ZBTB16: variants seen among roughly 807,000 people sequenced by gnomAD.
ZBTB16 encodes the protein zinc finger and BTB domain-containing protein 16.
ZBTB16 carries 8 observed loss-of-function variants against 56.8 expected under a neutral mutation model. The ratio of observed to expected loss-of-function variants is 0.14; its 90% confidence interval spans 0.08 to 0.25. The LOEUF (loss-of-function observed/expected upper bound fraction) is 0.25, where lower values mean the gene tolerates loss of function less well. ZBTB16 is among the 10% of genes least tolerant of loss of function. The probability of loss-of-function intolerance (pLI) is 1.00; values close to 1 mark genes in which losing one functional copy is unlikely to be tolerated. For missense variants in ZBTB16, 625 were observed against 903.0 expected, an observed-to-expected ratio of 0.69 and a Z score of 3.95; for synonymous variants, 363 against 368.5, an observed-to-expected ratio of 0.98 and a Z score of 0.17.
intron 4 of ZBTB16, among the ~76,000 whole-genome samples, chr11:114,216,596 G>C (rs1944104071): frequency 6.6e-6 from 1 of 152,132 alleles, no homozygotes; most frequent in Non-Finnish European, 1.5e-5. Flanking sequence ...AGTGCTATCA[G>C]CCTAAACTCA....
intron 2 of ZBTB16, among the ~76,000 whole-genome samples, chr11:114,093,557 C>T (rs760089342): frequency 6.6e-5 from 10 of 152,130 alleles, no homozygotes. Flanking sequence ...GAGTGTGTGG[C>T]CCAAGGATGG....
chr11:114,137,334 C>G lies in ZBTB16; in HGVS notation c.1269-19003C>G, dbSNP rs530239760. Reference sequence around the variant, plus strand: ...TGGTCTTCCCACTCATACCGCTGCCCTCTCCCTAGCTCTCAGGAGGAAGAG... The same window carrying G: ...TGGTCTTCCCACTCATACCGCTGCCGTCTCCCTAGCTCTCAGGAGGAAGAG... On this transcript the variant is annotated intron_variant, in intron 2 of 6. Coordinates refer to ENST00000335953, the MANE Select transcript of ZBTB16 (RefSeq NM_006006.6). Among the ~76,000 whole-genome samples the G allele has an allele frequency of 1.2e-3, 181 of 152,296 alleles. 1 individual carries two copies. Among genetic ancestry groups the G allele is most frequent in the African/African-American group, 3.9e-3 (164 of 41,564 alleles).
chr11:114,214,869 T>G (rs1287466325), intron 4 of ZBTB16, among the ~76,000 whole-genome samples: 1 of 152,206 alleles, frequency 6.6e-6, no homozygotes, highest in East Asian at 1.9e-4. Context: ...ATTATTTTTT[T>G]TCCTAAAGCA....
chr11:114,091,727 T>C (rs1482571940), intron 2 of ZBTB16, among the ~76,000 whole-genome samples: 1 of 151,858 alleles, frequency 6.6e-6, no homozygotes, highest in Non-Finnish European at 1.5e-5. Flanking sequence ...GTCTCCTCTG[T>C]ATGCGGCGAC....
chr11:114,206,504 C>G (rs1943877150), intron 4 of ZBTB16, among the ~76,000 whole-genome samples: 1 of 152,170 alleles, frequency 6.6e-6, no homozygotes, highest in Non-Finnish European at 1.5e-5. Flanking sequence ...GGCAGCCCTC[C>G]TTGGCCGTCT....
intron 2 of ZBTB16, among the ~76,000 whole-genome samples, chr11:114,105,480 T>C (rs1374410274): frequency 2.6e-5 from 4 of 152,146 alleles, no homozygotes; most frequent in African/African-American, 9.7e-5. Flanking sequence ...TCTCAGGTGA[T>C]CCACCAGCCT....
rs140039965 is a variant in ZBTB16 at position 114,223,090 on chromosome 11, G to A, written c.1454-19077G>A. On this transcript the variant is annotated intron_variant, in intron 4 of 6. Transcript: ENST00000335953. ...TTCAGATCCCAAACTGTAGGTGCTC[G>A]TTGGCTGCAATCTCACAGCTTTGGC... 6.0e-4 allele frequency among the ~76,000 whole-genome samples: 91 copies of A among 152,306 alleles called. 2 individuals carry two copies. The East Asian group carries it at 9.9e-3, about 17-fold the overall frequency.
chr11:114,189,738 C>A, intron 4 of ZBTB16: 1 of 151,034 alleles, frequency 6.6e-6, no homozygotes, highest in African/African-American at 2.4e-5. Flanking sequence ...TGCACTCCAG[C>A]CTGGCGTCAG....
chr11:114,235,677 T>C (rs1425825194), intron 4 of ZBTB16, among the ~76,000 whole-genome samples: 1 of 21,476 alleles, frequency 4.7e-5, no homozygotes, highest in African/African-American at 1.2e-4. Context: ...TTTCTTTCTT[T>C]CTTTCTTTCT....
chr11:114,149,075 A>G (rs1942219254), intron 2 of ZBTB16, among the ~76,000 whole-genome samples: 1 of 152,126 alleles, frequency 6.6e-6, no homozygotes, highest in Non-Finnish European at 1.5e-5. Flanking sequence ...TATGCAGGAG[A>G]TATAATCCAG....
intron 3 of ZBTB16, among the ~76,000 whole-genome samples, chr11:114,174,854 A>C (rs774348519): frequency 6.6e-6 from 1 of 152,104 alleles, no homozygotes; most frequent in African/African-American, 2.4e-5. Flanking sequence ...ATAGACCCCA[A>C]AGACATCCAG....
chr11:114,137,450 C>T (rs1190588525), intron 2 of ZBTB16, among the ~76,000 whole-genome samples: 6 of 152,162 alleles, frequency 3.9e-5, no homozygotes, highest in African/African-American at 1.4e-4. Flanking sequence ...GTCTCAGCCT[C>T]ACCAGAGAAG....
Position 114,064,625 on chromosome 11 carries a change from C to T in ZBTB16, c.1268+57C>T, listed in dbSNP as rs1215077736. ...AGGACTTGAGGCCCTCACACCCCTCCTTCACACCCTGGCTGCTCCCAAGTT... is the reference window on the plus strand; with the variant it reads ...AGGACTTGAGGCCCTCACACCCCTCTTTCACACCCTGGCTGCTCCCAAGTT... On this transcript the variant is annotated intron_variant, in intron 2 of 6. Coordinates refer to ENST00000335953, the MANE Select transcript of ZBTB16 (RefSeq NM_006006.6). The surrounding 1 kb of genome is among the most constrained non-coding windows in gnomAD (Gnocchi z 4.2). 3 of 1,596,776 alleles carry T rather than the reference C, an allele frequency of 1.9e-6. No homozygotes were observed. Among genetic ancestry groups the T allele is most frequent in the Non-Finnish European group, 2.6e-6 (3 of 1,172,680 alleles).
At chr11:114,198,024 GA>G (rs36102991) in intron 4 of ZBTB16, among the ~76,000 whole-genome samples, 43,201 of 144,952 alleles carry the variant, frequency 0.3, 6,520 homozygotes, top group East Asian at 0.47. Flanking sequence ...AACTTTACAT[GA>G]AAAAAAAAAA....
chr11:114,211,917 CTATT>C (rs1046286269), intron 4 of ZBTB16, among the ~76,000 whole-genome samples: 4 of 152,222 alleles, frequency 2.6e-5, no homozygotes, highest in African/African-American at 9.6e-5. Context: ...AAGCCAGTGT[CTATT>C]TACAGTGTAT....
chr11:114,234,053 T>C (rs929054762), intron 4 of ZBTB16, among the ~76,000 whole-genome samples: 1 of 152,240 alleles, frequency 6.6e-6, no homozygotes, highest in African/African-American at 2.4e-5. Context: ...CCCTTTTTTG[T>C]TATGCAATGA....
intron 3 of ZBTB16, among the ~76,000 whole-genome samples, chr11:114,174,996 TACCC>T (rs1943070804): frequency 6.6e-6 from 1 of 152,202 alleles, no homozygotes; most frequent in Non-Finnish European, 1.5e-5. Flanking sequence ...TTAGCTCAGC[TACCC>T]ACTAGCTAAA....
intron 2 of ZBTB16, among the ~76,000 whole-genome samples, chr11:114,103,724 G>A: frequency 6.6e-6 from 1 of 152,010 alleles, no homozygotes; most frequent in African/African-American, 2.4e-5. Context: ...TGGAGATAGA[G>A]GTAACGTTTA....
chr11:114,118,808 G>A (rs1215155544), intron 2 of ZBTB16, among the ~76,000 whole-genome samples: 1 of 152,124 alleles, frequency 6.6e-6, no homozygotes, highest in Non-Finnish European at 1.5e-5. Context: ...ATAAAAGGAG[G>A]GTTGCGTCTC....
Sources: allele counts gnomAD v4.1 joint callset (sites outside exome capture counted in the v4.1 genomes callset), GRCh38; gene constraint gnomAD v4.1.1; non-coding constraint Gnocchi (gnomAD v3.1); transcripts MANE v1.5; gene names NCBI Gene and HGNC (gene_info 2026-07-23, HGNC 2026-07-21).